Variants in ADAM10 observed in about 807,000 individuals in gnomAD.
ADAM10 encodes the protein disintegrin and metalloproteinase domain-containing protein 10.
ADAM10 carries 17 observed loss-of-function variants against 90.1 expected under a neutral mutation model. The observed-to-expected ratio is 0.19, with a 90% CI of 0.13 to 0.28. The LOEUF is 0.28. Among genes scored for constraint, ADAM10 ranks in the 10% least tolerant of loss-of-function variants. ADAM10 has a pLI of 1.00. For missense variants in ADAM10, 610 were observed against 914.3 expected, an observed-to-expected ratio of 0.67 and a Z score of 4.29; for synonymous variants, 310 against 298.6, an observed-to-expected ratio of 1.04 and a Z score of -0.40.
Position 58,595,870 on chromosome 15 carries a change from A to C in ADAM10, c.*1677T>G, listed in dbSNP as rs146382035. On this transcript the variant is annotated 3_prime_UTR_variant, in exon 16 of 16. Transcript: ENST00000260408. ...AAATGATTTAAAAGCAATTACATAC[A>C]TATCTACCTACTTGTTTGTTTAGAA... 3.3e-5 allele frequency: 5 copies of C among 152,286 alleles called. No homozygotes were observed. Among genetic ancestry groups the C allele is most frequent in the African/African-American group, 1.2e-4 (5 of 41,568 alleles). 9.4% of individuals were successfully genotyped at this position (152,286 alleles called of 1,614,324 possible).
chr15:58,667,018 C>T (rs1335070475), intron 4 of ADAM10, among the ~76,000 whole-genome samples: 1 of 152,052 alleles, frequency 6.6e-6, no homozygotes, highest in African/African-American at 2.4e-5. Context: ...AAATTACTAA[C>T]AATATAATCC....
rs550224488 is a variant in ADAM10, at chr15:58,691,746, G to C, written c.207-9432C>G. 3.4e-4 allele frequency: 113 copies of C among 329,200 alleles called. 1 individual carries two copies. The highest frequency in any genetic ancestry group is 2.5e-3 in the South Asian group (109 of 43,920). The allele number at this position is 329,200 out of a possible 1,614,324, so 20.4% of individuals were successfully genotyped here. On this transcript the variant is annotated intron_variant, in intron 2 of 15. Coordinates refer to ENST00000260408, the MANE Select transcript of ADAM10 (RefSeq NM_001110.4). ...TCGCCCAGGCTTAGTGCAGTGGCAT[G>C]ATCTTGGCTCACTGCAACTTCCGCC...
At chr15:58,646,386 A>G (rs1896549362) in intron 5 of ADAM10, among the ~76,000 whole-genome samples, 182 bp from the exon 6 acceptor site, 1 of 152,222 alleles carries the variant, frequency 6.6e-6, no homozygotes, top group Admixed American at 6.5e-5. Context: ...TAGATTATTT[A>G]CTATCTATTC....
At chr15:58,718,792 C>A (rs1898749371) in intron 1 of ADAM10, among the ~76,000 whole-genome samples, 1 of 152,172 alleles carries the variant, frequency 6.6e-6, no homozygotes, top group African/African-American at 2.4e-5. Flanking sequence ...TCTCAGGGAT[C>A]CTCTGTGCAG....
chr15:58,676,304 G>A (rs1423547713), intron 4 of ADAM10: 1 of 455,222 alleles, frequency 2.2e-6, no homozygotes, highest in Admixed American at 2.4e-5. Context: ...CTATAAAGTG[G>A]GAATAATAGG....
At chr15:58,706,928 G>T (rs1179704943) in intron 2 of ADAM10, among the ~76,000 whole-genome samples, 1 of 148,204 alleles carries the variant, frequency 6.7e-6, no homozygotes, top group African/African-American at 2.5e-5. Context: ...AGAATCGCTT[G>T]AACCCAGGAC....
intron 2 of ADAM10, among the ~76,000 whole-genome samples, chr15:58,710,315 T>C (rs1236107138): frequency 6.6e-6 from 1 of 152,178 alleles, no homozygotes; most frequent in Non-Finnish European, 1.5e-5. Flanking sequence ...GACACTAAAC[T>C]CAAAGCAATG....
chr15:58,719,261 T>C (rs1475022578), intron 1 of ADAM10, among the ~76,000 whole-genome samples: 3 of 151,906 alleles, frequency 2.0e-5, no homozygotes, highest in African/African-American at 4.8e-5. Flanking sequence ...GAGGCAGAGG[T>C]TGTAGTGAGC....
At chr15:58,748,860 G>A (rs909200477) in intron 1 of ADAM10, 2 of 398,714 alleles carry the variant, frequency 5.0e-6, no homozygotes, top group Non-Finnish European at 8.8e-6. Flanking sequence ...TCAGATAAGC[G>A]GGTGATGACT....
intron 5 of ADAM10, among the ~76,000 whole-genome samples, chr15:58,647,669 T>C (rs1258286344): frequency 1.3e-5 from 2 of 151,998 alleles, no homozygotes; most frequent in East Asian, 1.9e-4. Flanking sequence ...CCGCCTAAGC[T>C]TCCCAAGTAG....
intron 11 of ADAM10, among the ~76,000 whole-genome samples, chr15:58,612,504 T>A (rs906107882): frequency 1.3e-5 from 2 of 152,146 alleles, no homozygotes. Context: ...ACTGTGCTGT[T>A]CCCTGCCCCC....
At position 58,645,533 on chromosome 15, in the gene ADAM10, C is replaced by T. The variant is rs575898312; in HGVS notation, c.735+522G>A. On this transcript the variant is annotated intron_variant, in intron 6 of 15. Coordinates refer to ENST00000260408, the MANE Select transcript of ADAM10 (RefSeq NM_001110.4). ...ACCAAAATGATTCATTTATACTAGTCGTACCTCCATCTTCTCCATTTCAAA... is the reference window on the plus strand; with the variant it reads ...ACCAAAATGATTCATTTATACTAGTTGTACCTCCATCTTCTCCATTTCAAA... 3.3e-5 allele frequency among the ~76,000 whole-genome samples: 5 copies of T among 152,240 alleles called. No homozygotes were observed. In the East Asian group the frequency reaches 5.8e-4, roughly 18 times the overall value.
rs1269050549 is a variant in ADAM10, at chr15:58,747,231, C to G, written c.55+2249G>C. 3 of 152,174 alleles carry G rather than the reference C, an allele frequency of 2.0e-5. No homozygotes were observed. In the East Asian group the frequency reaches 5.8e-4, roughly 29 times the overall value. The allele number at this position is 152,174 out of a possible 1,614,324, so 9.4% of individuals were successfully genotyped here. A position where few individuals can be genotyped will look rare whatever the true frequency, so the allele number is the denominator to read the frequency against. On this transcript the variant is annotated intron_variant, in intron 1 of 15. Transcript: ENST00000260408. ...AGGATGGGGCTGTGCTGGAAATGGA[C>G]ACCATTAGGAAAGTTTGTTTTATGA...
intron 14 of ADAM10, among the ~76,000 whole-genome samples, chr15:58,608,968 A>G: frequency 6.6e-6 from 1 of 152,218 alleles, no homozygotes; most frequent in Non-Finnish European, 1.5e-5. Flanking sequence ...TCTACAGCAG[A>G]CAAGTATACC....
intron 2 of ADAM10, among the ~76,000 whole-genome samples, chr15:58,684,837 G>A (rs1400756878): frequency 6.6e-6 from 1 of 152,156 alleles, no homozygotes; most frequent in Non-Finnish European, 1.5e-5. Context: ...CAGTGTTGTA[G>A]GAATGGGCCC....
intron 5 of ADAM10, among the ~76,000 whole-genome samples, chr15:58,658,558 G>A (rs1896887798): frequency 6.6e-6 from 1 of 151,890 alleles, no homozygotes; most frequent in South Asian, 2.1e-4. Context: ...TCTTGATACT[G>A]ACTGCACTGA....
At chr15:58,677,468 G>C (rs1897323691) in intron 4 of ADAM10, among the ~76,000 whole-genome samples, 1 of 152,040 alleles carries the variant, frequency 6.6e-6, no homozygotes, top group South Asian at 2.1e-4. Context: ...AAGATATTTG[G>C]AAATTACTGT....
At chr15:58,747,518 T>C (rs1198360974) in intron 1 of ADAM10, 2 of 152,178 alleles carry the variant, frequency 1.3e-5, no homozygotes, top group Non-Finnish European at 2.9e-5. Flanking sequence ...CATACAAAGA[T>C]CTTACAAGTG....
chr15:58,708,166 A>G (rs1367571529), intron 2 of ADAM10, among the ~76,000 whole-genome samples: 3 of 152,214 alleles, frequency 2.0e-5, no homozygotes, highest in Non-Finnish European at 4.4e-5. Context: ...ATCTAATGTA[A>G]ACCAACTGTA....
Sources: gnomAD v4.1 joint callset for allele counts (sites outside exome capture counted in the v4.1 genomes callset) on GRCh38, gnomAD v4.1.1 for gene constraint, MANE v1.5 for transcripts, NCBI Gene and HGNC (gene_info 2026-07-23, HGNC 2026-07-21) for gene names.